PCCA: variants seen among roughly 807,000 people sequenced by gnomAD.
The protein encoded by PCCA is propionyl-CoA carboxylase subunit alpha.
In PCCA, 74 loss-of-function variants were observed where a neutral mutation model predicts 101.3. The observed-to-expected ratio is 0.73, with a 90% CI of 0.61 to 0.89. The LOEUF (loss-of-function observed/expected upper bound fraction) is 0.89, where lower values mean the gene tolerates loss of function less well. Among genes scored for constraint, PCCA ranks in the 40% least tolerant of loss-of-function variants. The pLI, the probability that PCCA is intolerant of heterozygous loss-of-function variation, is 0.00. For missense variants in PCCA, 891 were observed against 907.0 expected (o/e 0.98, Z 0.23); for synonymous variants, 294 against 313.6 (o/e 0.94, Z 0.66).
intron 19 of PCCA, among the ~76,000 whole-genome samples, chr13:100,371,145 G>T (rs1305202649): frequency 3.3e-5 from 5 of 152,174 alleles, no homozygotes; most frequent in African/African-American, 4.8e-5. Flanking sequence ...TTTCTCCCAA[G>T]TGGTGGCAGC....
intron 7 of PCCA, among the ~76,000 whole-genome samples, chr13:100,228,611 A>T (rs1238192281): frequency 6.6e-6 from 1 of 152,090 alleles, no homozygotes; most frequent in Non-Finnish European, 1.5e-5. Context: ...TAAATAAAGA[A>T]CAAAGGCTGG....
intron 16 of PCCA, among the ~76,000 whole-genome samples, chr13:100,322,627 G>C (rs932403850): frequency 1.3e-5 from 2 of 151,084 alleles, no homozygotes; most frequent in Non-Finnish European, 2.9e-5. Context: ...TTTGGGTACA[G>C]TGATGCAGCC....
At chr13:100,157,927 A>G (rs1471121876) in intron 6 of PCCA, among the ~76,000 whole-genome samples, 2 of 152,196 alleles carry the variant, frequency 1.3e-5, no homozygotes, top group African/African-American at 4.8e-5. Flanking sequence ...TACTATCTTA[A>G]TTTATTCTAA....
intron 21 of PCCA, among the ~76,000 whole-genome samples, chr13:100,468,390 G>A (rs576363067): frequency 6.6e-6 from 1 of 152,212 alleles, no homozygotes; most frequent in African/African-American, 2.4e-5. Context: ...CTCCTCTCTA[G>A]TTGTGAAAGT....
intron 12 of PCCA, among the ~76,000 whole-genome samples, chr13:100,292,934 C>CGTGTGTGTGTGTGTGTGTGTGTGT (rs36098330): frequency 6.1e-5 from 9 of 147,676 alleles, no homozygotes; most frequent in African/African-American, 2.0e-4. Context: ...TTTCCAAATT[C>CGTGTGTGTGTGTGTGTGTGTGTGT]GTGTGTGTGT....
At chr13:100,322,527 G>C (rs1395858972) in intron 16 of PCCA, among the ~76,000 whole-genome samples, 2 of 151,154 alleles carry the variant, frequency 1.3e-5, no homozygotes, top group African/African-American at 4.9e-5. Context: ...TAATCATTAG[G>C]TAAACTATTC....
At chr13:100,468,869 A>G (rs557357199) in intron 21 of PCCA, among the ~76,000 whole-genome samples, 1 of 152,268 alleles carries the variant, frequency 6.6e-6, no homozygotes, top group East Asian at 1.9e-4. Flanking sequence ...TACTAAAAAT[A>G]CAAAAATTGA....
intron 16 of PCCA, among the ~76,000 whole-genome samples, chr13:100,328,338 G>C (rs371603443): frequency 4.7e-4 from 70 of 150,488 alleles, no homozygotes; most frequent in African/African-American, 1.6e-3. Flanking sequence ...ACTCTGACCT[G>C]GGCGATAGAG....
chr13:100,515,630 C>A (rs572755348), intron 22 of PCCA, 63 bp downstream of exon 22: 3 of 1,580,648 alleles, frequency 1.9e-6, no homozygotes, highest in Non-Finnish European at 2.6e-6. Context: ...TCCAAAGCGA[C>A]GGCTAACGGC....
chr13:100,424,289 T>C (rs2079003002), intron 19 of PCCA, among the ~76,000 whole-genome samples: 1 of 152,132 alleles, frequency 6.6e-6, no homozygotes, highest in African/African-American at 2.4e-5. Flanking sequence ...ATCCCCGGAT[T>C]TTGGTATCTG....
At chr13:100,375,919 T>C (rs998392868) in intron 19 of PCCA, among the ~76,000 whole-genome samples, 2 of 152,212 alleles carry the variant, frequency 1.3e-5, no homozygotes, top group African/African-American at 4.8e-5. Flanking sequence ...AAGACACACA[T>C]AGGCTAAAAA....
chr13:100,267,008 G>A (rs1024962918), intron 10 of PCCA, among the ~76,000 whole-genome samples: 12 of 152,018 alleles, frequency 7.9e-5, no homozygotes, highest in African/African-American at 2.9e-4. Flanking sequence ...TTTATTTAAT[G>A]GAATAAATAA....
intron 21 of PCCA, among the ~76,000 whole-genome samples, chr13:100,485,758 T>C (rs894536166): frequency 6.6e-6 from 1 of 152,194 alleles, no homozygotes; most frequent in Non-Finnish European, 1.5e-5. Flanking sequence ...GGAGAGCTGA[T>C]GTATATGGAG....
chr13:100,112,742 G>GATTTTTGT (rs764318347), intron 4 of PCCA, among the ~76,000 whole-genome samples: 27 of 152,046 alleles, frequency 1.8e-4, no homozygotes, highest in South Asian at 1.2e-3. Context: ...ATGCCTGGCT[G>GATTTTTGT]ATTTTTGTAT....
At chr13:100,214,457 G>A (rs1467972639) in intron 7 of PCCA, among the ~76,000 whole-genome samples, 4 of 150,100 alleles carry the variant, frequency 2.7e-5, no homozygotes, top group Non-Finnish European at 4.4e-5. Context: ...ATGGAACCTC[G>A]CTCTGTTGCC....
chr13:100,123,634 G>C (rs1037267330), intron 4 of PCCA, among the ~76,000 whole-genome samples: 1 of 148,306 alleles, frequency 6.7e-6, no homozygotes, highest in Non-Finnish European at 1.5e-5. Flanking sequence ...CAACATAATG[G>C]GGGGGGATTG....
chr13:100,101,879 A>G (rs1233880705), intron 1 of PCCA, among the ~76,000 whole-genome samples: 2 of 152,246 alleles, frequency 1.3e-5, no homozygotes, highest in Non-Finnish European at 2.9e-5. Flanking sequence ...CTAGGATTAC[A>G]GGCATGAGCC....
chr13:100,165,349 T>C (rs1020754064), intron 6 of PCCA, among the ~76,000 whole-genome samples: 1 of 152,198 alleles, frequency 6.6e-6, no homozygotes. Flanking sequence ...TCTGGGTAAT[T>C]AGTTGACTCA....
chr13:100,323,114 A>G (rs759318006), intron 16 of PCCA, among the ~76,000 whole-genome samples: 1 of 152,250 alleles, frequency 6.6e-6, no homozygotes, highest in East Asian at 1.9e-4. Flanking sequence ...TTCTGTTACA[A>G]CTGCTTGACT....
Sources: allele counts gnomAD v4.1 joint callset (sites outside exome capture counted in the v4.1 genomes callset), GRCh38; gene constraint gnomAD v4.1.1; transcripts MANE v1.5; gene names NCBI Gene and HGNC (gene_info 2026-07-23, HGNC 2026-07-21).